Variants in TBC1D7 observed in about 807,000 individuals in gnomAD.
TBC1D7 encodes TBC domain family 7.
Under a neutral mutation model 35.3 loss-of-function variants are expected in TBC1D7, and 33 were observed. That is an observed-to-expected ratio of 0.93 (90% confidence interval 0.71 to 1.25). TBC1D7 has a LOEUF of 1.25. Ranked by LOEUF, TBC1D7 falls within the 50% of genes most tolerant of loss-of-function variation. The pLI is 0.00. For synonymous variants in TBC1D7, 135 were observed against 129.5 expected (o/e 1.04, Z -0.29); for missense variants, 362 against 365.3 (o/e 0.99, Z 0.07).
rs141538050 is a variant in TBC1D7 at position 13,305,116 on chromosome 6, C to T, written c.867G>A (p.Pro289=). ...GCGGGTGCGTTCAGCTTGAATGGAC[C>T]GGGGTCCCACAGTGTTTGTGCCACA... The part of the protein sequence containing the change: ...IDLWHKHCGT[P]VHSS Residue 289 remains proline, a synonymous_variant, in exon 8 of 8, where the codon CCG becomes CCA. Transcript: ENST00000379300. 120 of 1,612,684 alleles carry T rather than the reference C, an allele frequency of 7.4e-5. No individual in the cohort carries two copies. The highest frequency in any genetic ancestry group is 9.7e-5 in the Non-Finnish European group (114 of 1,179,250).
rs1173908853 is a variant in TBC1D7 at position 13,306,506 on chromosome 6, A to G, written c.687T>C (p.Ser229=). Reference sequence around the variant, plus strand: ...CAAAAACTAGGATCTTACAGGATCCACTCACAACTTTATCCCAAACCCTAC... The same window carrying G: ...CAAAAACTAGGATCTTACAGGATCCGCTCACAACTTTATCCCAAACCCTAC... ...SLQRVWDKVV[S]GSCKILVFVA... is the part of the protein sequence containing the mutation. The change falls in exon 7 of 8, where the codon AGT becomes AGC. Residue 229 remains serine (S), a synonymous_variant. Transcript: ENST00000379300. 3 of 1,602,706 alleles carry G rather than the reference A, an allele frequency of 1.9e-6. No homozygotes were observed. The South Asian group carries it at 3.4e-5, about 18-fold the overall frequency.
At chr6:13,316,383 T>C (rs1783614728) in intron 5 of TBC1D7, among the ~76,000 whole-genome samples, 188 bp downstream of exon 5, 1 of 152,146 alleles carries the variant, frequency 6.6e-6, no homozygotes, top group Non-Finnish European at 1.5e-5. Flanking sequence ...GTGGTTACAA[T>C]AGAGACCATC....
At chr6:13,312,563 G>A (rs915214176) in intron 5 of TBC1D7, among the ~76,000 whole-genome samples, 7 of 151,626 alleles carry the variant, frequency 4.6e-5, no homozygotes, top group African/African-American at 7.3e-5. Flanking sequence ...TGCCACACTC[G>A]TGCCTGTAGT....
At chr6:13,317,517 T>C (rs1338842416) in intron 4 of TBC1D7, among the ~76,000 whole-genome samples, 1 of 152,270 alleles carries the variant, frequency 6.6e-6, no homozygotes, top group African/African-American at 2.4e-5. Flanking sequence ...TATTTTAATG[T>C]ATTATTTCAT....
In TBC1D7 at chr6:13,328,502, C is replaced by CGCCGCTGCTGCTGCCGCT. The variant is rs1554196282; in HGVS notation, c.-216_-215insAGCGGCAGCAGCAGCGGC. 6.5e-6 allele frequency: 1 copy of CGCCGCTGCTGCTGCCGCT among 153,742 alleles called. No individual in the cohort carries two copies. Among genetic ancestry groups the CGCCGCTGCTGCTGCCGCT allele is most frequent in the Admixed American group, 6.6e-5 (1 of 15,160 alleles). The allele number at this position is 153,742 out of a possible 1,614,324, so 9.5% of individuals were successfully genotyped here. ...AGACGGCCCGGGAGACAAAACTCAG[C>CGCCGCTGCTGCTGCCGCT]GCCGCTGCCGCTGCCGCTGCCGCCG... On this transcript the variant is annotated 5_prime_UTR_variant, in exon 1 of 8. Coordinates refer to ENST00000379300, the MANE Select transcript of TBC1D7 (RefSeq NM_016495.6).
At chr6:13,307,869 G>GGGA in intron 5 of TBC1D7, 124 bp from the exon 6 acceptor site, 2 of 1,043,034 alleles carry the variant, frequency 1.9e-6, no homozygotes, top group Non-Finnish European at 2.7e-6. Flanking sequence ...CAAAACTTCA[G>GGGA]AATTATCCAA....
At chr6:13,317,580 T>TAA (rs1226872985) in intron 4 of TBC1D7, among the ~76,000 whole-genome samples, 1 of 152,182 alleles carries the variant, frequency 6.6e-6, no homozygotes, top group Non-Finnish European at 1.5e-5. Context: ...AAGAAAAACA[T>TAA]AATTTAAATC....
Position 13,305,047 on chromosome 6 carries a change from G to A in TBC1D7, c.*54C>T. 2.1e-6 allele frequency: 3 copies of A among 1,405,244 alleles called. No individual in the cohort carries two copies. The highest frequency in any genetic ancestry group is 2.5e-5 in the East Asian group (1 of 40,782). The allele number at this position is 1,405,244 out of a possible 1,614,324, so 87.0% of individuals were successfully genotyped here. A position where few individuals can be genotyped will look rare whatever the true frequency, so the allele number is the denominator to read the frequency against. ...ATCAGTTTCCCAGATCACATGCCAA[G>A]AACACAATGCTCACTGTGGTGCCTG... On this transcript the variant is annotated 3_prime_UTR_variant, in exon 8 of 8. Transcript: ENST00000379300.
intron 5 of TBC1D7, among the ~76,000 whole-genome samples, chr6:13,313,534 GCT>G (rs1783380671): frequency 6.9e-6 from 1 of 145,216 alleles, no homozygotes. Context: ...TTGAGCATCT[GCT>G]CGTAGGTACC....
intron 5 of TBC1D7, among the ~76,000 whole-genome samples, chr6:13,314,446 T>G (rs1264299444): frequency 6.6e-6 from 1 of 152,164 alleles, no homozygotes; most frequent in East Asian, 1.9e-4. Flanking sequence ...TTTTAAAGAA[T>G]AGCATAAACT....
chr6:13,320,827 G>A, intron 4 of TBC1D7, 81 bp downstream of exon 4: 2 of 1,426,362 alleles, frequency 1.4e-6, no homozygotes, highest in Non-Finnish European at 9.8e-7. Context: ...AGTTTTTAAG[G>A]CAAAACATGA....
At chr6:13,308,418 G>T (rs1050399619) in intron 5 of TBC1D7, among the ~76,000 whole-genome samples, 3 of 149,658 alleles carry the variant, frequency 2.0e-5, no homozygotes, top group Non-Finnish European at 4.4e-5. Flanking sequence ...AACTCAGAGG[G>T]AACAAAGCAC....
chr6:13,325,040 A>T, intron 3 of TBC1D7, 54 bp downstream of exon 3: 6 of 1,285,842 alleles, frequency 4.7e-6, no homozygotes, highest in Non-Finnish European at 6.7e-6. Flanking sequence ...ATAGCAAATG[A>T]TCCCTTCATT....
At position 13,326,803 on chromosome 6, in the gene TBC1D7, T is replaced by C. The variant is rs1212681540; in HGVS notation, c.96A>G (p.Leu32=). The change falls in exon 2 of 8, where the codon CTA becomes CTG. Residue 32 remains leucine (L), a synonymous_variant. Coordinates refer to ENST00000379300, the MANE Select transcript of TBC1D7 (RefSeq NM_016495.6). ...VEEKKSLEIL[L]KDDRLDTEKL... ...AGTACTCACCCAGACGGTCATCTTT[T>C]AGGAGAATTTCTAATGATTTCTTTT... is the stretch of plus-strand genomic sequence containing the variant. 4.3e-6 allele frequency: 7 copies of C among 1,611,702 alleles called. No homozygotes were observed. In the African/African-American group the frequency reaches 6.7e-5, roughly 15 times the overall value.
At chr6:13,314,990 A>T (rs558386638) in intron 5 of TBC1D7, among the ~76,000 whole-genome samples, 1 of 152,356 alleles carries the variant, frequency 6.6e-6, no homozygotes, top group South Asian at 2.1e-4. Flanking sequence ...TGACAGAAAC[A>T]GCTTGCTGCC....
intron 5 of TBC1D7, among the ~76,000 whole-genome samples, chr6:13,311,376 C>G (rs879594369): frequency 3.9e-5 from 6 of 152,174 alleles, no homozygotes; most frequent in Non-Finnish European, 7.4e-5. Flanking sequence ...TCCTAGGAAT[C>G]AGGATAGTAT....
At position 13,320,948 on chromosome 6, in the gene TBC1D7, A is replaced by G. The variant is rs953335031; in HGVS notation, c.341T>C (p.Leu114Pro). 6.2e-7 allele frequency: 1 copy of G among 1,614,100 alleles called. No individual in the cohort carries two copies. The highest frequency in any genetic ancestry group is 8.5e-7 in the Non-Finnish European group (1 of 1,180,052). The change falls in exon 4 of 8, where the codon CTG becomes CCG. Residue 114 changes from leucine (L) to proline (P), a missense_variant. By Grantham distance (98) the Leu-to-Pro change is moderately conservative. Coordinates refer to ENST00000379300, the MANE Select transcript of TBC1D7 (RefSeq NM_016495.6). The part of the protein sequence containing the change: ...QAEVYLRMYQ[L>P]ESGKLPRSPS... ...ACTTCGAGGTAACTTCCCAGACTCC[A>G]GCTGATACATGCGGAGATAGACTTC...
intron 1 of TBC1D7, 88 bp downstream of exon 1, chr6:13,328,208 C>CT (rs1784533077): frequency 6.6e-6 from 1 of 152,320 alleles, no homozygotes; most frequent in Admixed American, 6.5e-5. Flanking sequence ...ATAATATCTC[C>CT]TGCCCATGCG....
intron 5 of TBC1D7, among the ~76,000 whole-genome samples, chr6:13,315,505 G>A (rs960598582): frequency 2.2e-4 from 33 of 152,238 alleles, no homozygotes; most frequent in Admixed American, 7.2e-4. Flanking sequence ...CCTGAGGTCA[G>A]GAGTTCAAGA....
Sources: gnomAD v4.1 joint callset for allele counts (sites outside exome capture counted in the v4.1 genomes callset) on GRCh38, gnomAD v4.1.1 for gene constraint, MANE v1.5 for transcripts, NCBI Gene and HGNC (gene_info 2026-07-23, HGNC 2026-07-21) for gene names.